CARMIL1: variants seen among roughly 807,000 people sequenced by gnomAD.
The protein encoded by CARMIL1 is F-actin-uncapping protein LRRC16A.
In CARMIL1, 90 loss-of-function variants were observed where a neutral mutation model predicts 177.1. The ratio of observed to expected loss-of-function variants is 0.51; its 90% CI spans 0.43 to 0.61. The LOEUF is 0.61. Ranked by LOEUF, CARMIL1 falls within the 20% of genes least tolerant of loss-of-function variation. CARMIL1 has a pLI of 0.00. For missense variants in CARMIL1, 1,380 were observed against 1,667.0 expected, an observed-to-expected ratio of 0.83 and a Z score of 3.00; for synonymous variants, 577 against 606.2, an observed-to-expected ratio of 0.95 and a Z score of 0.71.
At chr6:25,473,150 A>T (rs1404884690) in intron 11 of CARMIL1, among the ~76,000 whole-genome samples, 2 of 152,188 alleles carry the variant, frequency 1.3e-5, no homozygotes, top group Non-Finnish European at 2.9e-5. Context: ...GCTGGAGTAC[A>T]TCTCTCTGAT....
chr6:25,488,037 C>A (rs4712944), intron 12 of CARMIL1, among the ~76,000 whole-genome samples: 60,144 of 152,004 alleles, frequency 0.4, 12,106 homozygotes, highest in South Asian at 0.46. Context: ...GAAGAGCTGT[C>A]TACTTCTCTT....
intron 2 of CARMIL1, among the ~76,000 whole-genome samples, chr6:25,303,064 A>C (rs1561956855): frequency 1.3e-5 from 2 of 150,790 alleles, no homozygotes; most frequent in East Asian, 3.9e-4. Context: ...GCTTGGTCTC[A>C]TCATTTAGAT....
At chr6:25,526,308 C>A (rs1038760338) in intron 23 of CARMIL1, among the ~76,000 whole-genome samples, 16 of 151,444 alleles carry the variant, frequency 1.1e-4, no homozygotes, top group East Asian at 9.8e-4. Flanking sequence ...GCGCCACTGC[C>A]CTCCAGCCTG....
chr6:25,402,636 C>T (rs1163562513), intron 2 of CARMIL1, among the ~76,000 whole-genome samples: 1 of 152,078 alleles, frequency 6.6e-6, no homozygotes, highest in African/African-American at 2.4e-5. Context: ...AGTATGATAG[C>T]CACTAGCCAT....
chr6:25,304,381 A>G lies in CARMIL1; in HGVS notation c.138+19472A>G, dbSNP rs1355762883. On this transcript the variant is annotated intron_variant, in intron 2 of 36. Coordinates refer to ENST00000329474, the MANE Select transcript of CARMIL1 (RefSeq NM_017640.6). ...ATGTCCTATAGAACAGCCGTCCCCA[A>G]CCTTTTTGGTACCAGGGAGTAGTTT... 2.0e-5 allele frequency among the ~76,000 whole-genome samples: 3 copies of G among 152,110 alleles called. No individual in the cohort carries two copies. In the East Asian group the frequency reaches 5.8e-4, roughly 29 times the overall value.
chr6:25,307,532 A>G (rs1328486660), intron 2 of CARMIL1, among the ~76,000 whole-genome samples: 1 of 152,272 alleles, frequency 6.6e-6, no homozygotes, highest in Non-Finnish European at 1.5e-5. Context: ...ATTTACAAGA[A>G]GCACATTGGA....
chr6:25,503,692 C>T (rs530230167), intron 17 of CARMIL1, among the ~76,000 whole-genome samples: 1 of 152,204 alleles, frequency 6.6e-6, no homozygotes, highest in Non-Finnish European at 1.5e-5. Context: ...CAGTTGAAAT[C>T]GTAGCAGCTT....
intron 2 of CARMIL1, among the ~76,000 whole-genome samples, chr6:25,419,215 G>A (rs1402429817): frequency 6.6e-6 from 1 of 152,198 alleles, no homozygotes; most frequent in Non-Finnish European, 1.5e-5. Flanking sequence ...TAGCACATAA[G>A]CATAACTTGC....
intron 28 of CARMIL1, among the ~76,000 whole-genome samples, chr6:25,555,116 G>A (rs1213622854): frequency 6.6e-6 from 1 of 152,106 alleles, no homozygotes; most frequent in Non-Finnish European, 1.5e-5. Context: ...TCCAATATCA[G>A]TGCATATGAA....
At chr6:25,402,054 C>G (rs1173524429) in intron 2 of CARMIL1, among the ~76,000 whole-genome samples, 2 of 141,956 alleles carry the variant, frequency 1.4e-5, no homozygotes, top group African/African-American at 5.2e-5. Flanking sequence ...CTCTTCTTTT[C>G]TGACTAAGCT....
intron 29 of CARMIL1, among the ~76,000 whole-genome samples, chr6:25,566,923 A>G (rs1294228694): frequency 6.6e-6 from 1 of 152,268 alleles, no homozygotes; most frequent in Admixed American, 6.5e-5. Flanking sequence ...TCAATTAATG[A>G]GAACATTATA....
At chr6:25,451,219 G>A (rs762718338) in intron 8 of CARMIL1, among the ~76,000 whole-genome samples, 1 of 151,944 alleles carries the variant, frequency 6.6e-6, no homozygotes, top group Non-Finnish European at 1.5e-5. Context: ...AGAGTTCGTA[G>A]TTAGAAAATG....
At chr6:25,338,913 T>C (rs78003939) in intron 2 of CARMIL1, among the ~76,000 whole-genome samples, 7,866 of 151,666 alleles carry the variant, frequency 0.052, 278 homozygotes, top group Non-Finnish European at 0.087. Flanking sequence ...TCCCATTGTT[T>C]CTGAATTTGA....
intron 17 of CARMIL1, among the ~76,000 whole-genome samples, chr6:25,506,805 A>G (rs1444216353): frequency 2.0e-5 from 3 of 152,164 alleles, no homozygotes; most frequent in Admixed American, 6.5e-5. Flanking sequence ...GTCATTTTAT[A>G]TTTTTGCCTT....
chr6:25,314,966 C>T (rs1177989297), intron 2 of CARMIL1, among the ~76,000 whole-genome samples: 1 of 152,188 alleles, frequency 6.6e-6, no homozygotes, highest in African/African-American at 2.4e-5. Context: ...GCCTTTGTCA[C>T]TGCTTTGTGA....
At chr6:25,390,320 A>ATATATATATATATATATTTTTTT (rs1554184839) in intron 2 of CARMIL1, among the ~76,000 whole-genome samples, 7 of 58,088 alleles carry the variant, frequency 1.2e-4, no homozygotes, top group Admixed American at 2.3e-4. Context: ...ATATATATAT[A>ATATATATATATATATATTTTTTT]TTTTTTTTTT....
At chr6:25,388,320 A>G in intron 2 of CARMIL1, 1 of 152,168 alleles carries the variant, frequency 6.6e-6, no homozygotes, top group East Asian at 1.9e-4. Flanking sequence ...TAGCACACAC[A>G]ACAGTTTTAT....
intron 2 of CARMIL1, among the ~76,000 whole-genome samples, chr6:25,376,463 T>A (rs911535160): frequency 6.6e-6 from 1 of 152,308 alleles, no homozygotes; most frequent in South Asian, 2.1e-4. Flanking sequence ...GACTTAAAAA[T>A]TTTTTTTCTC....
chr6:25,592,566 C>A (rs909472903), intron 31 of CARMIL1, among the ~76,000 whole-genome samples: 1 of 152,198 alleles, frequency 6.6e-6, no homozygotes, highest in Non-Finnish European at 1.5e-5. Context: ...TCATAGGGTT[C>A]TTTGCCTATT....
Sources: gnomAD v4.1 joint callset for allele counts (sites outside exome capture counted in the v4.1 genomes callset) on GRCh38, gnomAD v4.1.1 for gene constraint, MANE v1.5 for transcripts, NCBI Gene and HGNC (gene_info 2026-07-23, HGNC 2026-07-21) for gene names.